Variants in PCCA observed in about 807,000 individuals in gnomAD.
The protein encoded by PCCA is propionyl-CoA carboxylase subunit alpha.
In PCCA, 74 loss-of-function variants were observed where a neutral mutation model predicts 101.3. The ratio of observed to expected loss-of-function variants is 0.73; its 90% CI spans 0.61 to 0.89. The LOEUF (loss-of-function observed/expected upper bound fraction) is 0.89, where lower values mean the gene tolerates loss of function less well. Ranked by LOEUF, PCCA falls within the 40% of genes least tolerant of loss-of-function variation. The pLI is 0.00. For synonymous variants in PCCA, 294 were observed against 313.6 expected (o/e 0.94, Z 0.66); for missense variants, 891 against 907.0 (o/e 0.98, Z 0.23).
At chr13:100,282,081 AT>A (rs1463299808) in intron 12 of PCCA, among the ~76,000 whole-genome samples, 1 of 152,152 alleles carries the variant, frequency 6.6e-6, no homozygotes, top group Non-Finnish European at 1.5e-5. Flanking sequence ...TTATAGATTC[AT>A]TTATATTTCT....
At chr13:100,488,024 C>CA (rs1945674124) in intron 21 of PCCA, among the ~76,000 whole-genome samples, 1 of 151,990 alleles carries the variant, frequency 6.6e-6, no homozygotes, top group Non-Finnish European at 1.5e-5. Flanking sequence ...CCACTGTGCC[C>CA]AGCCATATAT....
At chr13:100,202,028 G>A (rs1468793029) in intron 6 of PCCA, among the ~76,000 whole-genome samples, 1 of 151,714 alleles carries the variant, frequency 6.6e-6, no homozygotes, top group African/African-American at 2.4e-5. Flanking sequence ...TGACTTCTAT[G>A]GATTTAAAAT....
intron 4 of PCCA, among the ~76,000 whole-genome samples, chr13:100,120,013 A>C (rs2049214268): frequency 6.6e-6 from 1 of 151,908 alleles, no homozygotes. Flanking sequence ...CTGGGCTTAC[A>C]GGCATGCATC....
chr13:100,458,423 GCACACACACACACACATACA>G (rs1382013401), intron 21 of PCCA, among the ~76,000 whole-genome samples: 14 of 89,680 alleles, frequency 1.6e-4, no homozygotes, highest in South Asian at 1.3e-3. Context: ...ATCTCTGCGC[GCACACACACACACACATACA>G]CACACACACA....
intron 18 of PCCA, among the ~76,000 whole-genome samples, chr13:100,364,161 A>G (rs2074933798): frequency 6.6e-6 from 1 of 152,212 alleles, no homozygotes; most frequent in Non-Finnish European, 1.5e-5. Flanking sequence ...AGTTGCACAG[A>G]TTAAATTTTT....
chr13:100,091,867 T>A (rs989223077), intron 1 of PCCA, among the ~76,000 whole-genome samples: 11 of 152,240 alleles, frequency 7.2e-5, no homozygotes, highest in African/African-American at 2.7e-4. Context: ...ATGTTGGTTT[T>A]ATGGTAATTG....
chr13:100,291,468 A>C (rs1194681069), intron 12 of PCCA, among the ~76,000 whole-genome samples: 1 of 152,152 alleles, frequency 6.6e-6, no homozygotes, highest in Admixed American at 6.5e-5. Context: ...CTACTTCTTA[A>C]GTTTTTAAGT....
intron 6 of PCCA, among the ~76,000 whole-genome samples, chr13:100,164,864 C>T (rs889424736): frequency 2.6e-5 from 4 of 152,114 alleles, no homozygotes; most frequent in Non-Finnish European, 5.9e-5. Context: ...TACTCCTAGC[C>T]CCTGGTAACC....
intron 6 of PCCA, among the ~76,000 whole-genome samples, chr13:100,197,300 T>TG (rs1199010564): frequency 6.6e-6 from 1 of 151,700 alleles, no homozygotes; most frequent in Non-Finnish European, 1.5e-5. Context: ...CTTGACCTCC[T>TG]GGGCTCAAGC....
intron 20 of PCCA, among the ~76,000 whole-genome samples, chr13:100,448,205 T>C (rs1004342622): frequency 6.6e-6 from 1 of 152,220 alleles, no homozygotes; most frequent in South Asian, 2.1e-4. Context: ...GTTTTTGTTT[T>C]TTGAGACGGA....
Position 100,493,589 on chromosome 13 carries a change from A to C in PCCA, c.1900-21838A>C, listed in dbSNP as rs374980705. Among the ~76,000 whole-genome samples the C allele has an allele frequency of 5.9e-5, 9 of 152,298 alleles. No individual in the cohort carries two copies. The East Asian group carries it at 9.6e-4, about 16-fold the overall frequency. ...ACAACCCCAGTTCTTGCAAACCCCC[A>C]CAGAGTCTTGAGAAATCCCTCTTGT... On this transcript the variant is annotated intron_variant, in intron 21 of 23. Coordinates refer to ENST00000376285, the MANE Select transcript of PCCA (RefSeq NM_000282.4).
chr13:100,283,522 C>T (rs557160368), intron 12 of PCCA, among the ~76,000 whole-genome samples: 6 of 151,634 alleles, frequency 4.0e-5, no homozygotes, highest in African/African-American at 7.3e-5. Context: ...CCCTGTCACC[C>T]GAATCACTTG....
At chr13:100,166,720 A>G (rs1235290875) in intron 6 of PCCA, among the ~76,000 whole-genome samples, 1 of 152,192 alleles carries the variant, frequency 6.6e-6, no homozygotes, top group East Asian at 1.9e-4. Context: ...TTTAACTACA[A>G]CTAGAGGTGC....
At chr13:100,138,536 G>A (rs2051456532) in intron 4 of PCCA, among the ~76,000 whole-genome samples, 1 of 152,100 alleles carries the variant, frequency 6.6e-6, no homozygotes, top group Non-Finnish European at 1.5e-5. Context: ...CATTCCTTAT[G>A]TTCCAGATTT....
intron 21 of PCCA, among the ~76,000 whole-genome samples, chr13:100,513,159 G>A (rs915096658): frequency 1.3e-5 from 2 of 152,254 alleles, no homozygotes; most frequent in East Asian, 1.9e-4. Flanking sequence ...TTAAGAAGGC[G>A]TGTTTGTGTG....
chr13:100,421,084 G>A (rs1201142874), intron 19 of PCCA, among the ~76,000 whole-genome samples: 2 of 152,138 alleles, frequency 1.3e-5, no homozygotes, highest in Non-Finnish European at 2.9e-5. Context: ...GCAGGCGCCT[G>A]TAATTCCAGC....
chr13:100,187,577 A>C (rs969795810), intron 6 of PCCA, among the ~76,000 whole-genome samples: 1 of 152,212 alleles, frequency 6.6e-6, no homozygotes, highest in Non-Finnish European at 1.5e-5. Flanking sequence ...CATGAGTTAG[A>C]GTCAAACAGT....
At chr13:100,441,989 C>CTTTTTTTTT (rs776208311) in intron 20 of PCCA, among the ~76,000 whole-genome samples, 68 of 128,512 alleles carry the variant, frequency 5.3e-4, no homozygotes, top group Non-Finnish European at 6.0e-4. Context: ...TTCCTTTTTT[C>CTTTTTTTTT]TTTTTTTTTT....
At chr13:100,359,695 T>C (rs1029496846) in intron 18 of PCCA, among the ~76,000 whole-genome samples, 1 of 152,098 alleles carries the variant, frequency 6.6e-6, no homozygotes, top group Non-Finnish European at 1.5e-5. Flanking sequence ...CTAAGAAAAC[T>C]CTAAGGAGTC....
Sources: gnomAD v4.1 joint callset for allele counts (sites outside exome capture counted in the v4.1 genomes callset) on GRCh38, gnomAD v4.1.1 for gene constraint, MANE v1.5 for transcripts, NCBI Gene and HGNC (gene_info 2026-07-23, HGNC 2026-07-21) for gene names.